The following NDST4 variants were observed in gnomAD, a reference collection of about 807,000 sequenced individuals.
NDST4 encodes N-deacetylase and N-sulfotransferase 4.
A neutral mutation model predicts 100.8 loss-of-function variants in NDST4; 63 were observed. The observed-to-expected ratio is 0.62, with a 90% confidence interval of 0.51 to 0.77. NDST4 has a LOEUF of 0.77. Among genes scored for constraint, NDST4 ranks in the 30% least tolerant of loss-of-function variants. The pLI, the probability that NDST4 is intolerant of heterozygous loss-of-function variation, is 0.00. For synonymous variants in NDST4, 377 were observed against 361.8 expected (o/e 1.04, Z -0.48); for missense variants, 943 against 1,018.4 (o/e 0.93, Z 1.01).
chr4:115,085,491 G>A (rs974260749), intron 1 of NDST4, among the ~76,000 whole-genome samples: 5 of 152,134 alleles, frequency 3.3e-5, no homozygotes, highest in Non-Finnish European at 7.3e-5. Context: ...ATCTCGAATT[G>A]TAGTTCTCAT....
At chr4:115,060,685 T>C (rs1728800640) in intron 2 of NDST4, among the ~76,000 whole-genome samples, 1 of 151,970 alleles carries the variant, frequency 6.6e-6, no homozygotes, top group Non-Finnish European at 1.5e-5. Flanking sequence ...TGGGAGTTTA[T>C]GTAATAATGA....
intron 2 of NDST4, among the ~76,000 whole-genome samples, chr4:115,030,142 C>T (rs1728084451): frequency 6.6e-6 from 1 of 151,970 alleles, no homozygotes; most frequent in Admixed American, 6.6e-5. Flanking sequence ...AGTTTGAATG[C>T]TTATAAATGG....
At chr4:114,906,895 C>T (rs1724961589) in intron 6 of NDST4, among the ~76,000 whole-genome samples, 1 of 151,940 alleles carries the variant, frequency 6.6e-6, no homozygotes, top group Non-Finnish European at 1.5e-5. Flanking sequence ...CTCTTTTGCA[C>T]ATTTTTATAA....
At chr4:115,087,420 C>T (rs1729430314) in intron 1 of NDST4, among the ~76,000 whole-genome samples, 1 of 151,970 alleles carries the variant, frequency 6.6e-6, no homozygotes. Flanking sequence ...CTCTTATTAC[C>T]AGCAAAAACA....
chr4:114,915,403 T>C (rs538330964), intron 6 of NDST4, among the ~76,000 whole-genome samples: 1 of 152,298 alleles, frequency 6.6e-6, no homozygotes, highest in African/African-American at 2.4e-5. Context: ...TAAGTCAAAT[T>C]AGAAGTTAAG....
At chr4:114,971,604 CT>C (rs1726516137) in intron 3 of NDST4, among the ~76,000 whole-genome samples, 2 of 151,982 alleles carry the variant, frequency 1.3e-5, no homozygotes, top group South Asian at 4.1e-4. Flanking sequence ...TAAGTCCTGG[CT>C]TATAGTGTGG....
rs185491945 is a variant in NDST4, at chr4:115,107,220, T to A, written c.-247+6224A>T. ...AATTTCAGTCTGTGAGAAAAAAATT[T>A]AAAAACCAGTAATTTGAGATAATTT... On this transcript the variant is annotated intron_variant, in intron 1 of 13. Coordinates refer to ENST00000264363, the MANE Select transcript of NDST4 (RefSeq NM_022569.3). 3.0e-3 allele frequency among the ~76,000 whole-genome samples: 460 copies of A among 152,208 alleles called. 1 individual carries two copies. Among genetic ancestry groups the A allele is most frequent in the African/African-American group, 0.01 (433 of 41,564 alleles).
At chr4:115,042,737 A>T (rs1272256598) in intron 2 of NDST4, among the ~76,000 whole-genome samples, 3 of 152,068 alleles carry the variant, frequency 2.0e-5, no homozygotes, top group Non-Finnish European at 2.9e-5. Flanking sequence ...CACTCATTAT[A>T]TACTAGGCAT....
At chr4:115,056,318 G>A (rs1728693354) in intron 2 of NDST4, among the ~76,000 whole-genome samples, 1 of 152,016 alleles carries the variant, frequency 6.6e-6, no homozygotes, top group Admixed American at 6.6e-5. Flanking sequence ...ACTCCAGTCT[G>A]GGCAACAGGG....
chr4:114,889,909 T>C (rs868312128), intron 6 of NDST4, among the ~76,000 whole-genome samples: 2 of 152,144 alleles, frequency 1.3e-5, no homozygotes, highest in East Asian at 1.9e-4. Context: ...GGAAAGTACT[T>C]GGTTCACAAT....
At position 114,839,428 on chromosome 4, in the gene NDST4, A is replaced by G. The variant is rs905265376; in HGVS notation, c.2236T>C (p.Trp746Arg). Residue 746 changes from tryptophan (W) to arginine (R), a missense_variant, in exon 11 of 14, where the codon TGG becomes CGG. Around this residue, in one of 2 missense-constraint regions of NDST4, gnomAD observed 526 missense variants for 634.1 expected, o/e 0.83. Coordinates refer to ENST00000264363, the MANE Select transcript of NDST4 (RefSeq NM_022569.3). ...CATCTTTCTATGTGGACTGCATACC[A>G]TCCAGGTACTAGGCATCTTCTCTGC... ...TLQRRCLVPG[W>R]YAVHIERWLT... 6.8e-6 allele frequency: 11 copies of G among 1,613,818 alleles called. No individual in the cohort carries two copies. Among genetic ancestry groups the G allele is most frequent in the Non-Finnish European group, 9.3e-6 (11 of 1,179,866 alleles).
intron 4 of NDST4, 50 bp from the exon 5 acceptor site, chr4:114,937,553 A>T: frequency 7.1e-7 from 1 of 1,412,160 alleles, no homozygotes; most frequent in South Asian, 1.4e-5. Context: ...CAATTAATTC[A>T]GTGAAAATCA....
At chr4:114,939,194 A>T (rs1725696501) in intron 4 of NDST4, among the ~76,000 whole-genome samples, 1 of 152,144 alleles carries the variant, frequency 6.6e-6, no homozygotes, top group Non-Finnish European at 1.5e-5. Context: ...CATCCAAGAC[A>T]TTGCAAGCTT....
chr4:114,930,800 A>G (rs1472921270), intron 6 of NDST4, among the ~76,000 whole-genome samples: 1 of 152,148 alleles, frequency 6.6e-6, no homozygotes, highest in Non-Finnish European at 1.5e-5. Context: ...AATAATCACA[A>G]TATTATATAA....
intron 8 of NDST4, among the ~76,000 whole-genome samples, chr4:114,850,738 C>A (rs1312194439): frequency 6.6e-6 from 1 of 152,162 alleles, no homozygotes; most frequent in Non-Finnish European, 1.5e-5. Context: ...CACTGATCTT[C>A]TGAAAGATCT....
In NDST4 at chr4:114,829,488, G is replaced by A. The variant is rs183701778; in HGVS notation, c.2499+302C>T. On this transcript the variant is annotated intron_variant, in intron 13 of 13. Transcript: ENST00000264363. ...TATTTTATCCAAAATCACTTGTTTA[G>A]TAAACTATTTAAGTGCTTTAAGCAT... Among the ~76,000 whole-genome samples, 242 of 152,126 alleles carry A rather than the reference G, an allele frequency of 1.6e-3. 1 individual carries two copies. Among genetic ancestry groups the A allele is most frequent in the African/African-American group, 5.7e-3 (236 of 41,508 alleles).
intron 2 of NDST4, among the ~76,000 whole-genome samples, chr4:114,991,933 C>T (rs946119938): frequency 6.6e-6 from 1 of 151,924 alleles, no homozygotes; most frequent in Non-Finnish European, 1.5e-5. Flanking sequence ...TGTGTGAGAT[C>T]TGGCATATAC....
intron 2 of NDST4, among the ~76,000 whole-genome samples, chr4:115,050,797 G>A (rs1252192225): frequency 6.6e-6 from 1 of 152,062 alleles, no homozygotes; most frequent in Admixed American, 6.6e-5. Flanking sequence ...ACTATTTTAA[G>A]TACATGAGAC....
intron 10 of NDST4, among the ~76,000 whole-genome samples, chr4:114,840,688 C>T (rs776680713): frequency 1.4e-4 from 21 of 152,026 alleles, no homozygotes; most frequent in Non-Finnish European, 2.5e-4. Flanking sequence ...ATGAGGTATG[C>T]GGGAATAAGT....
Sources: gnomAD v4.1 joint callset for allele counts (sites outside exome capture counted in the v4.1 genomes callset) on GRCh38, gnomAD v4.1.1 for gene constraint, gnomAD v4.1.1 regional missense constraint, MANE v1.5 for transcripts, NCBI Gene and HGNC (gene_info 2026-07-23, HGNC 2026-07-21) for gene names.